The following SGCZ variants were observed in gnomAD, a reference collection of about 807,000 sequenced individuals.
SGCZ encodes the protein zeta-sarcoglycan.
SGCZ carries 40 observed loss-of-function variants against 41.3 expected under a neutral mutation model. The observed-to-expected ratio is 0.97, with a 90% CI of 0.75 to 1.26. The LOEUF (loss-of-function observed/expected upper bound fraction) is 1.26. Ranked by LOEUF, SGCZ falls within the 50% of genes most tolerant of loss-of-function variation. The probability of loss-of-function intolerance (pLI) is 0.00; values close to 1 mark genes in which losing one functional copy is unlikely to be tolerated. For missense variants in SGCZ, 552 were observed against 369.8 expected, an observed-to-expected ratio of 1.49 and a Z score of -4.04; for synonymous variants, 206 against 137.5, an observed-to-expected ratio of 1.50 and a Z score of -3.49.
chr8:14,390,183 A>C (rs952132485), intron 2 of SGCZ, among the ~76,000 whole-genome samples: 2 of 152,036 alleles, frequency 1.3e-5, no homozygotes, highest in Non-Finnish European at 2.9e-5. Context: ...CATATTAATA[A>C]AATTGATGCT....
At chr8:14,921,064 A>C (rs1799574517) in intron 1 of SGCZ, among the ~76,000 whole-genome samples, 3 of 152,182 alleles carry the variant, frequency 2.0e-5, no homozygotes, top group Admixed American at 6.5e-5. Context: ...TTTTATCTTC[A>C]TGAGGGACCA....
At chr8:14,430,852 G>A (rs562658187) in intron 2 of SGCZ, among the ~76,000 whole-genome samples, 11 of 152,170 alleles carry the variant, frequency 7.2e-5, no homozygotes, top group East Asian at 1.9e-4. Context: ...CAAAGTTTCC[G>A]GATACAAAAT....
At chr8:14,807,467 A>T (rs1801578337) in intron 1 of SGCZ, among the ~76,000 whole-genome samples, 1 of 152,006 alleles carries the variant, frequency 6.6e-6, no homozygotes, top group African/African-American at 2.4e-5. Flanking sequence ...TCATGAGTGA[A>T]CTCCCATTCA....
chr8:14,751,710 G>T (rs191155415), intron 1 of SGCZ, among the ~76,000 whole-genome samples: 1 of 151,894 alleles, frequency 6.6e-6, no homozygotes, highest in Admixed American at 6.6e-5. Context: ...CACCATGCCC[G>T]GCTAATTTTT....
intron 1 of SGCZ, among the ~76,000 whole-genome samples, chr8:15,225,057 C>A (rs1314897733): frequency 3.3e-5 from 5 of 151,992 alleles, no homozygotes; most frequent in Non-Finnish European, 7.4e-5. Flanking sequence ...AGATTATGAA[C>A]AATTAAAACA....
At chr8:14,325,533 A>AAATCATATATAATAGATATATAATCAT (rs1563258261) in intron 2 of SGCZ, among the ~76,000 whole-genome samples, 2 of 146,928 alleles carry the variant, frequency 1.4e-5, no homozygotes, top group Non-Finnish European at 3.0e-5. Context: ...TATATAATCA[A>AAATCATATATAATAGATATATAATCAT]AATCATATAT....
intron 1 of SGCZ, among the ~76,000 whole-genome samples, chr8:15,064,528 G>C (rs567899069): frequency 1.5e-3 from 160 of 104,672 alleles, no homozygotes; most frequent in Middle Eastern, 5.0e-3. Flanking sequence ...AAACCTCCAG[G>C]CCTCTCAAAA....
intron 1 of SGCZ, among the ~76,000 whole-genome samples, chr8:14,759,303 T>C (rs955783074): frequency 6.6e-6 from 1 of 151,870 alleles, no homozygotes; most frequent in South Asian, 2.1e-4. Flanking sequence ...GAAGGAAACA[T>C]TCACCTTTTA....
chr8:14,143,124 AT>A (rs1222965369), intron 5 of SGCZ, among the ~76,000 whole-genome samples: 8 of 152,152 alleles, frequency 5.3e-5, no homozygotes, highest in Non-Finnish European at 1.2e-4. Context: ...AATTCAAATA[AT>A]AAAAATATCT....
At chr8:15,192,097 T>C (rs1471807587) in intron 1 of SGCZ, among the ~76,000 whole-genome samples, 1 of 152,130 alleles carries the variant, frequency 6.6e-6, no homozygotes, top group African/African-American at 2.4e-5. Context: ...ACTTCTGTTA[T>C]GGTAACCCCT....
chr8:14,544,221 C>CT (rs1462938310), intron 2 of SGCZ, among the ~76,000 whole-genome samples: 1 of 152,180 alleles, frequency 6.6e-6, no homozygotes, highest in Non-Finnish European at 1.5e-5. Flanking sequence ...TTATGCCTGT[C>CT]TTTACTTTAA....
At chr8:14,214,749 C>G (rs1425633041) in intron 4 of SGCZ, among the ~76,000 whole-genome samples, 5 of 151,256 alleles carry the variant, frequency 3.3e-5, no homozygotes, top group Admixed American at 2.6e-4. Context: ...TATTATAAAG[C>G]AAAGAATATT....
chr8:15,197,543 G>T (rs1482545592), intron 1 of SGCZ, among the ~76,000 whole-genome samples: 1 of 152,124 alleles, frequency 6.6e-6, no homozygotes, highest in Non-Finnish European at 1.5e-5. Context: ...GAAGCAGAAA[G>T]GAATTTATTG....
chr8:15,151,483 C>T (rs1799179008), intron 1 of SGCZ, among the ~76,000 whole-genome samples: 1 of 152,122 alleles, frequency 6.6e-6, no homozygotes, highest in Non-Finnish European at 1.5e-5. Flanking sequence ...GAAAATATAA[C>T]ATTGAAAATG....
intron 3 of SGCZ, among the ~76,000 whole-genome samples, chr8:14,243,140 T>C (rs1314920234): frequency 2.0e-5 from 3 of 152,194 alleles, no homozygotes; most frequent in Non-Finnish European, 4.4e-5. Context: ...CCTATGCAAA[T>C]CTCCCTACTT....
At chr8:14,290,857 AG>A (rs1235723919) in intron 3 of SGCZ, among the ~76,000 whole-genome samples, 1 of 152,192 alleles carries the variant, frequency 6.6e-6, no homozygotes, top group Non-Finnish European at 1.5e-5. Context: ...TCAAAGGAAA[AG>A]AAATCAGTAT....
chr8:15,105,900 CA>C (rs1806806982), intron 1 of SGCZ, among the ~76,000 whole-genome samples: 1 of 151,196 alleles, frequency 6.6e-6, no homozygotes, highest in Non-Finnish European at 1.5e-5. Context: ...AGCTTTTTGC[CA>C]AAAGAGCCAA....
intron 1 of SGCZ, among the ~76,000 whole-genome samples, chr8:14,918,910 G>A (rs936299904): frequency 1.3e-5 from 2 of 152,034 alleles, no homozygotes; most frequent in African/African-American, 2.4e-5. Flanking sequence ...ATCATCAATC[G>A]GTCTGAAGGC....
At chr8:14,891,875 A>G (rs1805031699) in intron 1 of SGCZ, among the ~76,000 whole-genome samples, 3 of 152,226 alleles carry the variant, frequency 2.0e-5, no homozygotes, top group Admixed American at 2.0e-4. Context: ...AAAATATTAC[A>G]GCTCACTGAA....
Sources: allele counts gnomAD v4.1 joint callset (sites outside exome capture counted in the v4.1 genomes callset), GRCh38; gene constraint gnomAD v4.1.1; transcripts MANE v1.5; gene names NCBI Gene and HGNC (gene_info 2026-07-23, HGNC 2026-07-21).